DRG2: variants seen among roughly 807,000 people sequenced by gnomAD.
DRG2 encodes developmentally-regulated GTP-binding protein 2.
In DRG2, 36 loss-of-function variants were observed where a neutral mutation model predicts 53.4. The ratio of observed to expected loss-of-function variants is 0.67; its 90% CI spans 0.52 to 0.89. The LOEUF (loss-of-function observed/expected upper bound fraction) is 0.89, where lower values mean the gene tolerates loss of function less well. Among genes scored for constraint, DRG2 ranks in the 40% least tolerant of loss-of-function variants. DRG2 has a pLI of 0.00. For missense variants in DRG2, 342 were observed against 481.2 expected, an observed-to-expected ratio of 0.71 and a Z score of 2.71; for synonymous variants, 167 against 192.1, an observed-to-expected ratio of 0.87 and a Z score of 1.08.
chr17:18,100,202 C>A lies in DRG2; in HGVS notation c.468-161C>A. ...TGTGGCAGAGTTTAGAAGTTCCCTG[C>A]AGCTCTAGGGCATTGGGAAGGAGTG... On this transcript the variant is annotated intron_variant, in intron 5 of 12. Coordinates refer to ENST00000225729, the MANE Select transcript of DRG2 (RefSeq NM_001388.5). The surrounding 1 kb of genome is among the most constrained non-coding windows in gnomAD (Gnocchi z 4.1). The A allele has an allele frequency of 1.4e-6, 1 of 734,096 alleles. No homozygotes were observed. Among genetic ancestry groups the A allele is most frequent in the Non-Finnish European group, 2.3e-6 (1 of 431,562 alleles). The allele number at this position is 734,096 out of a possible 1,614,324, so 45.5% of individuals were successfully genotyped here. A position where few individuals can be genotyped will look rare whatever the true frequency, so the allele number is the denominator to read the frequency against.
At chr17:18,106,594 G>A in intron 12 of DRG2, 108 bp downstream of exon 12, 1 of 1,272,626 alleles carries the variant, frequency 7.9e-7, no homozygotes, top group Admixed American at 1.9e-5. Flanking sequence ...TGTCCTTCCT[G>A]TGGGGATTGG....
Position 18,099,876 on chromosome 17 carries a change from T to C in DRG2, c.467+153T>C. ...AGACTAAACCCAACACCACCCAGCC[T>C]ATGGCGTCTTCTCCTCAAGGCTTGT... On this transcript the variant is annotated intron_variant, in intron 5 of 12. Transcript: ENST00000225729. The surrounding 1 kb of genome is among the most constrained non-coding windows in gnomAD (Gnocchi z 4.4). 1 of 731,624 alleles carries C rather than the reference T, an allele frequency of 1.4e-6. No individual in the cohort carries two copies. Among genetic ancestry groups the C allele is most frequent in the Non-Finnish European group, 2.3e-6 (1 of 435,410 alleles). 45.3% of individuals were successfully genotyped at this position (731,624 alleles called of 1,614,324 possible).
At chr17:18,104,082 G>A (rs549273988) in intron 10 of DRG2, among the ~76,000 whole-genome samples, 193 bp downstream of exon 10, 2 of 152,234 alleles carry the variant, frequency 1.3e-5, no homozygotes, top group Admixed American at 6.5e-5. Flanking sequence ...AGGCTACCTT[G>A]GGGTCCCCAC....
intron 2 of DRG2, 168 bp downstream of exon 2, chr17:18,094,141 C>T: frequency 4.6e-6 from 4 of 866,952 alleles, no homozygotes; most frequent in African/African-American, 1.7e-5. Flanking sequence ...ACATGGAGGA[C>T]GCTCTTTCCT....
At chr17:18,102,103 A>G (rs779652802) in intron 9 of DRG2, 106 bp downstream of exon 9, 98 of 1,152,712 alleles carry the variant, frequency 8.5e-5, no homozygotes, top group Non-Finnish European at 1.2e-4. Flanking sequence ...AAGCCAGCAC[A>G]GCCTCCAGCA....
intron 1 of DRG2, among the ~76,000 whole-genome samples, chr17:18,091,156 A>G (rs2045327803): frequency 6.6e-6 from 1 of 152,216 alleles, no homozygotes; most frequent in African/African-American, 2.4e-5. Flanking sequence ...AAACCTGCTC[A>G]TGAGGCAGGA....
intron 1 of DRG2, 133 bp from the exon 2 acceptor site, chr17:18,093,680 T>G: frequency 5.3e-6 from 2 of 379,300 alleles, no homozygotes; most frequent in Non-Finnish European, 8.1e-6. Context: ...AGCAGAGAGA[T>G]TTTTTTTTTT....
Position 18,088,118 on chromosome 17 carries a change from C to T in DRG2, c.64+31C>T, listed in dbSNP as rs1261083189. 4.6e-6 allele frequency: 7 copies of T among 1,534,602 alleles called. No homozygotes were observed. In the South Asian group the frequency reaches 7.3e-5, roughly 16 times the overall value. On this transcript the variant is annotated intron_variant, in intron 1 of 12. Transcript: ENST00000225729. ...GGCCGGCCGGGCGGGGCCTTCCTTTCTGCCTGCCTCAGTTTTCCTGTCTGT... is the reference window on the plus strand; with the variant it reads ...GGCCGGCCGGGCGGGGCCTTCCTTTTTGCCTGCCTCAGTTTTCCTGTCTGT...
rs2045595361 is a variant in DRG2, at chr17:18,104,603, C to G, written c.896-20C>G. 6.2e-7 allele frequency: 1 copy of G among 1,613,692 alleles called. No homozygotes were observed. Among genetic ancestry groups the G allele is most frequent in the African/African-American group, 1.3e-5 (1 of 74,930 alleles). On this transcript the variant is annotated intron_variant, in intron 10 of 12. Transcript: ENST00000225729. ...TGGGCCCTGATGTGTGGCTGACGTT[C>G]TCCCCATCCTGCCCTGCAGAGAGGC...
At chr17:18,106,070 CA>C (rs1239212574) in intron 11 of DRG2, 1 of 274,780 alleles carries the variant, frequency 3.6e-6, no homozygotes, top group African/African-American at 2.1e-5. Context: ...GGTGACCAAG[CA>C]GGGGGGACTC....
intron 7 of DRG2, among the ~76,000 whole-genome samples, chr17:18,101,263 T>C (rs545825811): frequency 5.3e-5 from 8 of 152,210 alleles, no homozygotes; most frequent in East Asian, 1.9e-4. Flanking sequence ...TCTCCCTGCC[T>C]AGCTGTCAAG....
intron 2 of DRG2, among the ~76,000 whole-genome samples, chr17:18,095,039 T>C (rs1031252682): frequency 1.4e-5 from 2 of 143,034 alleles, no homozygotes; most frequent in African/African-American, 5.3e-5. Context: ...GTTTAGCGTA[T>C]AATCTATATT....
chr17:18,101,332 C>G (rs1463717519), intron 7 of DRG2, among the ~76,000 whole-genome samples, 161 bp from the exon 8 acceptor site: 1 of 152,158 alleles, frequency 6.6e-6, no homozygotes, highest in Non-Finnish European at 1.5e-5. Flanking sequence ...GGGAAGAGAA[C>G]AGAGGGCTTC....
chr17:18,088,490 G>T (rs1001274133), intron 1 of DRG2, among the ~76,000 whole-genome samples: 16 of 152,226 alleles, frequency 1.1e-4, no homozygotes, highest in African/African-American at 3.6e-4. Flanking sequence ...CCCAGCAGCT[G>T]AGAGCCCATT....
At chr17:18,088,934 A>G (rs939237077) in intron 1 of DRG2, among the ~76,000 whole-genome samples, 1 of 152,188 alleles carries the variant, frequency 6.6e-6, no homozygotes, top group Non-Finnish European at 1.5e-5. Flanking sequence ...TTCATGGGAC[A>G]GTGAGAACAA....
intron 1 of DRG2, among the ~76,000 whole-genome samples, chr17:18,093,315 C>T (rs1597717582): frequency 7.2e-6 from 1 of 138,994 alleles, no homozygotes; most frequent in Non-Finnish European, 1.5e-5. Flanking sequence ...AACAAAGAGG[C>T]GGGATTTTTT....
rs552482051 is a variant in DRG2, at chr17:18,099,961, T to C, written c.467+238T>C. ...GCCGAGGGGCTTGGCCTGGCCCTGCTTCCTGTTCAGAGGCACAGGTGCCTC... is the reference window on the plus strand; with the variant it reads ...GCCGAGGGGCTTGGCCTGGCCCTGCCTCCTGTTCAGAGGCACAGGTGCCTC... On this transcript the variant is annotated intron_variant, in intron 5 of 12. Coordinates refer to ENST00000225729, the MANE Select transcript of DRG2 (RefSeq NM_001388.5). This position sits in a 1 kb window ranked among gnomAD's most constrained non-coding sequence, Gnocchi z 4.4. 1.0e-5 allele frequency: 6 copies of C among 597,824 alleles called. No individual in the cohort carries two copies. The Admixed American group carries it at 1.2e-4, about 12-fold the overall frequency. 37.0% of individuals were successfully genotyped at this position (597,824 alleles called of 1,614,324 possible).
At chr17:18,090,383 TATATATATATATATATATATA>T (rs1367935253) in intron 1 of DRG2, among the ~76,000 whole-genome samples, 6,488 of 34,490 alleles carry the variant, frequency 0.19, 995 homozygotes, top group South Asian at 0.31. Context: ...TATATATATA[TATATATATATATATATATATA>T]TATTTTTTTT....
chr17:18,088,048 G>T lies in DRG2; in HGVS notation c.25G>T (p.Glu9Ter). The T allele has an allele frequency of 6.5e-7, 1 of 1,549,978 alleles. No homozygotes were observed. Among genetic ancestry groups the T allele is most frequent in the South Asian group, 1.2e-5 (1 of 83,732 alleles). The change falls in exon 1 of 13, where the codon GAG (glutamate) becomes TAG (stop). Residue 9 changes from glutamate (E) to a stop codon, truncating the protein, a stop_gained. Coordinates refer to ENST00000225729, the MANE Select transcript of DRG2 (RefSeq NM_001388.5). LOFTEE classifies it high-confidence loss of function. MGILEKIS[E>*]IEKEIARTQK... ...CATGGGGATCTTAGAGAAGATCTCG[G>T]AGATCGAGAAGGAGATCGCTCGGAC...
Sources: gnomAD v4.1 joint callset for allele counts (sites outside exome capture counted in the v4.1 genomes callset) on GRCh38, gnomAD v4.1.1 for gene constraint, Gnocchi (gnomAD v3.1) non-coding constraint, MANE v1.5 for transcripts, NCBI Gene and HGNC (gene_info 2026-07-23, HGNC 2026-07-21) for gene names.